Variants in RNF13 observed in about 807,000 individuals in gnomAD.
The protein encoded by RNF13 is ring finger protein 13.
Under a neutral mutation model 37.7 loss-of-function variants are expected in RNF13, and 19 were observed. The ratio of observed to expected loss-of-function variants is 0.50; its 90% CI spans 0.35 to 0.74. The LOEUF (loss-of-function observed/expected upper bound fraction) is 0.74, where lower values mean the gene tolerates loss of function less well. RNF13 is among the 30% of genes least tolerant of loss of function. RNF13 has a pLI of 0.01. For missense variants in RNF13, 375 were observed against 453.0 expected, an observed-to-expected ratio of 0.83 and a Z score of 1.56; for synonymous variants, 144 against 157.8, an observed-to-expected ratio of 0.91 and a Z score of 0.65.
intron 4 of RNF13, among the ~76,000 whole-genome samples, chr3:149,885,510 T>G (rs1016003197): frequency 1.3e-5 from 2 of 152,230 alleles, no homozygotes; most frequent in Non-Finnish European, 2.9e-5. Context: ...TATTTGCCTA[T>G]TTCCCATTTG....
At chr3:149,926,248 G>T (rs1718636960) in intron 8 of RNF13, among the ~76,000 whole-genome samples, 1 of 152,100 alleles carries the variant, frequency 6.6e-6, no homozygotes, top group Non-Finnish European at 1.5e-5. Flanking sequence ...GTCTCGCTCT[G>T]TCCCCTAGGC....
intron 3 of RNF13, among the ~76,000 whole-genome samples, chr3:149,856,314 G>A (rs754562283): frequency 3.9e-5 from 6 of 152,018 alleles, no homozygotes; most frequent in Non-Finnish European, 8.8e-5. Flanking sequence ...TTGTTTACAA[G>A]GACTTGATAA....
At chr3:149,912,713 A>G (rs2108519752) in intron 7 of RNF13, among the ~76,000 whole-genome samples, 1 of 152,242 alleles carries the variant, frequency 6.6e-6, no homozygotes, top group Admixed American at 6.5e-5. Context: ...TAAAGTATGA[A>G]AAAAATAATG....
intron 8 of RNF13, among the ~76,000 whole-genome samples, chr3:149,937,448 TG>T (rs1719813749): frequency 6.6e-6 from 1 of 152,186 alleles, no homozygotes; most frequent in Non-Finnish European, 1.5e-5. Context: ...CACTTTTTTG[TG>T]ACACCAAGGA....
intron 4 of RNF13, among the ~76,000 whole-genome samples, chr3:149,882,419 A>G (rs1171745299): frequency 2.0e-5 from 3 of 152,094 alleles, no homozygotes; most frequent in African/African-American, 4.8e-5. Flanking sequence ...TATTTATATG[A>G]GAGATATTTT....
At chr3:149,844,612 T>G (rs1722470131) in intron 1 of RNF13, among the ~76,000 whole-genome samples, 1 of 152,170 alleles carries the variant, frequency 6.6e-6, no homozygotes, top group Non-Finnish European at 1.5e-5. Flanking sequence ...AAATCTAAAT[T>G]TCCAGATGCC....
intron 8 of RNF13, among the ~76,000 whole-genome samples, chr3:149,940,817 G>C (rs541581370): frequency 8.5e-5 from 13 of 152,060 alleles, no homozygotes; most frequent in African/African-American, 2.9e-4. Flanking sequence ...ATAACACTAA[G>C]ACTCTGTACC....
intron 8 of RNF13, among the ~76,000 whole-genome samples, chr3:149,925,195 C>T (rs1489095462): frequency 6.6e-6 from 1 of 152,070 alleles, no homozygotes. Flanking sequence ...CATTTTGAAC[C>T]CATCAGCATA....
At chr3:149,840,011 T>A (rs1321164253) in intron 1 of RNF13, among the ~76,000 whole-genome samples, 4 of 152,198 alleles carry the variant, frequency 2.6e-5, no homozygotes, top group Admixed American at 6.5e-5. Flanking sequence ...TGTGGTATCT[T>A]ATTTATTTTT....
chr3:149,889,292 C>T (rs74777279), intron 4 of RNF13, among the ~76,000 whole-genome samples: 2,849 of 138,200 alleles, frequency 0.021, 70 homozygotes, highest in African/African-American at 0.05. Context: ...TTTGAGTGTG[C>T]GTGTGTGTGT....
chr3:149,960,668 T>TTCC, intron 9 of RNF13, 72 bp from the exon 10 acceptor site: 1 of 1,426,712 alleles, frequency 7.0e-7, no homozygotes, highest in Non-Finnish European at 9.5e-7. Flanking sequence ...ACTGAATAAA[T>TTCC]ATGGCAAGAG....
intron 8 of RNF13, among the ~76,000 whole-genome samples, chr3:149,945,551 A>T (rs1720686890): frequency 1.3e-5 from 2 of 152,284 alleles, no homozygotes; most frequent in East Asian, 3.9e-4. Context: ...TCCCTGTCTG[A>T]CAGCTTTGAA....
intron 8 of RNF13, among the ~76,000 whole-genome samples, chr3:149,948,960 G>A (rs570464747): frequency 1.6e-4 from 25 of 152,166 alleles, no homozygotes; most frequent in Middle Eastern, 3.4e-3. Flanking sequence ...CCTGGGAGGC[G>A]AAGGTTGCCG....
intron 6 of RNF13, among the ~76,000 whole-genome samples, chr3:149,909,368 G>A (rs543579080): frequency 1.3e-5 from 2 of 151,268 alleles, no homozygotes; most frequent in African/African-American, 2.4e-5. Flanking sequence ...TCCGCCTCCC[G>A]GGTTCAAGCT....
At chr3:149,848,035 TGTG>T (rs1402337835) in intron 2 of RNF13, among the ~76,000 whole-genome samples, 5 of 152,170 alleles carry the variant, frequency 3.3e-5, no homozygotes, top group South Asian at 2.1e-4. Flanking sequence ...ACTGGAGTGT[TGTG>T]GTGGTGATTA....
chr3:149,872,333 T>C (rs1406903809), intron 4 of RNF13, among the ~76,000 whole-genome samples, 179 bp downstream of exon 4: 2 of 152,228 alleles, frequency 1.3e-5, no homozygotes, highest in African/African-American at 4.8e-5. Context: ...CAGGCATTTG[T>C]TGGACATCTT....
At chr3:149,813,156 G>A (rs1238490083), upstream of RNF13, 1 of 152,412 alleles carries the variant, frequency 6.6e-6, no homozygotes, top group East Asian at 1.9e-4. Context: ...GTTGCCCAGT[G>A]GGTTTTCTGT....
intron 3 of RNF13, among the ~76,000 whole-genome samples, chr3:149,863,306 G>T (rs2108420633): frequency 6.6e-6 from 1 of 152,256 alleles, no homozygotes; most frequent in East Asian, 1.9e-4. Flanking sequence ...CTTTTTTGTT[G>T]TGGTTGTGTT....
rs181337594 is a variant in RNF13, at chr3:149,815,282, A to G, written c.-17+1929A>G. Reference sequence around the variant, plus strand: ...TTTGAGTTAAGTTGGCTAGGAAGGCATTTTATGCCTTATAGTTCTTGCCAT... The same window carrying G: ...TTTGAGTTAAGTTGGCTAGGAAGGCGTTTTATGCCTTATAGTTCTTGCCAT... On this transcript the variant is annotated intron_variant, in intron 1 of 9. Coordinates refer to ENST00000392894, the MANE Select transcript of RNF13 (RefSeq NM_183381.3). 3.3e-3 allele frequency among the ~76,000 whole-genome samples: 503 copies of G among 152,348 alleles called. 1 individual carries two copies. Among genetic ancestry groups the G allele is most frequent in the Middle Eastern group, 0.014 (4 of 294 alleles).
Sources: allele counts gnomAD v4.1 joint callset (sites outside exome capture counted in the v4.1 genomes callset), GRCh38; gene constraint gnomAD v4.1.1; transcripts MANE v1.5; gene names NCBI Gene and HGNC (gene_info 2026-07-23, HGNC 2026-07-21).